TXNRD1: variants seen among roughly 807,000 people sequenced by gnomAD.
TXNRD1 encodes the protein thioredoxin reductase 1, also known as thioredoxin reductase 1, cytoplasmic.
Under a neutral mutation model 80.3 loss-of-function variants are expected in TXNRD1, and 57 were observed. The observed-to-expected ratio is 0.71, with a 90% confidence interval of 0.57 to 0.89. The LOEUF (loss-of-function observed/expected upper bound fraction) is 0.89, where lower values mean the gene tolerates loss of function less well. TXNRD1 is among the 40% of genes least tolerant of loss of function. The pLI, the probability that TXNRD1 is intolerant of heterozygous loss-of-function variation, is 0.00. For missense variants in TXNRD1, 730 were observed against 803.0 expected (o/e 0.91, Z 1.10); for synonymous variants, 291 against 285.2 (o/e 1.02, Z -0.20).
At chr12:104,315,730 A>C (rs530950713) in intron 6 of TXNRD1, 47 bp from the exon 7 acceptor site, 11 of 1,574,098 alleles carry the variant, frequency 7.0e-6, no homozygotes, top group Middle Eastern at 1.7e-4. Flanking sequence ...GAATGTTTGT[A>C]AGGCTTGGAA....
intron 3 of TXNRD1, among the ~76,000 whole-genome samples, chr12:104,260,949 A>T (rs1326160424): frequency 6.6e-6 from 1 of 152,158 alleles, no homozygotes; most frequent in Non-Finnish European, 1.5e-5. Context: ...ATTTGTAAGG[A>T]TTTACTCTCT....
At chr12:104,309,632 A>G (rs2035054309) in intron 4 of TXNRD1, 2 of 530,938 alleles carry the variant, frequency 3.8e-6, no homozygotes, top group Admixed American at 3.3e-5. Context: ...AACTGGATTT[A>G]TTAGTTAACT....
At chr12:104,340,453 T>G (rs1226721964) in intron 16 of TXNRD1, among the ~76,000 whole-genome samples, 1 of 152,150 alleles carries the variant, frequency 6.6e-6, no homozygotes, top group African/African-American at 2.4e-5. Context: ...AGATATTTCC[T>G]CCCTCTCAGT....
At chr12:104,303,651 G>C (rs2034737467) in intron 4 of TXNRD1, 2 of 420,388 alleles carry the variant, frequency 4.8e-6, no homozygotes, top group Non-Finnish European at 8.3e-6. Context: ...CGAGCGCCTC[G>C]GCTTGTGGCT....
chr12:104,267,685 C>CTT (rs1387021213), intron 3 of TXNRD1, among the ~76,000 whole-genome samples: 2 of 39,068 alleles, frequency 5.1e-5, no homozygotes, highest in Admixed American at 2.9e-4. Flanking sequence ...TTCTTTCTTT[C>CTT]TTTCTTTCTT....
intron 3 of TXNRD1, among the ~76,000 whole-genome samples, chr12:104,263,697 A>T (rs976402434): frequency 1.3e-5 from 2 of 152,186 alleles, no homozygotes; most frequent in African/African-American, 2.4e-5. Flanking sequence ...CAGACATAAG[A>T]TTTCAGGAGT....
intron 3 of TXNRD1, among the ~76,000 whole-genome samples, chr12:104,273,030 C>T (rs929523216): frequency 6.6e-6 from 1 of 151,916 alleles, no homozygotes; most frequent in African/African-American, 2.4e-5. Flanking sequence ...AATTTTCAGT[C>T]TCCGGCTGCG....
chr12:104,224,737 G>C (rs2032435490), intron 1 of TXNRD1: 1 of 434,066 alleles, frequency 2.3e-6, no homozygotes, highest in Non-Finnish European at 4.6e-6. Flanking sequence ...GCACATAGTA[G>C]ATGCTCGGTA....
intron 1 of TXNRD1, among the ~76,000 whole-genome samples, chr12:104,237,296 G>A (rs185480472): frequency 5.8e-4 from 88 of 152,218 alleles, no homozygotes; most frequent in Non-Finnish European, 1.1e-3. Flanking sequence ...CATGCTCTGC[G>A]CCATCTGAAA....
intron 4 of TXNRD1, among the ~76,000 whole-genome samples, chr12:104,310,742 G>A (rs190606531): frequency 2.1e-4 from 32 of 152,288 alleles, no homozygotes; most frequent in African/African-American, 4.6e-4. Context: ...TTAAAGGAAT[G>A]AGCTTTGCAG....
At chr12:104,306,795 A>G (rs1412214742) in intron 4 of TXNRD1, among the ~76,000 whole-genome samples, 1 of 152,218 alleles carries the variant, frequency 6.6e-6, no homozygotes, top group Non-Finnish European at 1.5e-5. Context: ...GATCTCACTC[A>G]TCCTCATTTC....
At chr12:104,329,697 TG>T (rs1464418960) in intron 13 of TXNRD1, among the ~76,000 whole-genome samples, 2 of 152,170 alleles carry the variant, frequency 1.3e-5, no homozygotes, top group Admixed American at 1.3e-4. Flanking sequence ...TTTTTGTTTC[TG>T]TTGGACATAC....
chr12:104,224,763 TTG>T, intron 1 of TXNRD1: 1 of 451,076 alleles, frequency 2.2e-6, no homozygotes, highest in Non-Finnish European at 4.5e-6. Flanking sequence ...TCAAATATAG[TTG>T]TGTCAAGTTA....
rs181563220 is a variant in TXNRD1 at position 104,287,172 on chromosome 12, G to A, written c.305-1759G>A. On this transcript the variant is annotated intron_variant, in intron 3 of 16. Coordinates refer to ENST00000525566, the MANE Select transcript of TXNRD1 (RefSeq NM_001093771.3). The stretch of plus-strand genomic sequence containing the variant: ...AGCCCAGGGATGGGAGCACGCGGGG[G>A]ACGGCCTGCCGGCGGGGACGACAGC... 1.2e-3 allele frequency: 1,850 copies of A among 1,572,928 alleles called. 21 individuals carry two copies. The African/African-American group carries it at 0.022, about 18-fold the overall frequency.
At chr12:104,346,055 C>T (rs2036480043) in intron 16 of TXNRD1, 1 of 1,202,868 alleles carries the variant, frequency 8.3e-7, no homozygotes, top group South Asian at 1.3e-5. Flanking sequence ...TCCTGTCACC[C>T]AGGCTGGAGT....
At chr12:104,247,906 T>C (rs897258497) in intron 1 of TXNRD1, among the ~76,000 whole-genome samples, 2 of 152,212 alleles carry the variant, frequency 1.3e-5, no homozygotes, top group Non-Finnish European at 2.9e-5. Context: ...CTGACGCTGA[T>C]ACCAATTAAT....
chr12:104,302,486 C>CTTTTTTTTTTTTTTTTT lies in TXNRD1; in HGVS notation c.415-8799_415-8783dup, dbSNP rs772202256. ...TTTAAAAACCAGATGTATTCATTCC[C>CTTTTTTTTTTTTTTTTT]TTTTTTTTTTTTTTTTTTTTTGAGA... On this transcript the variant is annotated intron_variant, in intron 4 of 16. Coordinates refer to ENST00000525566, the MANE Select transcript of TXNRD1 (RefSeq NM_001093771.3). 1.3e-3 allele frequency among the ~76,000 whole-genome samples: 99 copies of CTTTTTTTTTTTTTTTTT among 76,230 alleles called. 12 individuals are homozygous for CTTTTTTTTTTTTTTTTT. The highest frequency in any genetic ancestry group is 1.5e-3 in the Non-Finnish European group (67 of 44,150). 50.0% of individuals were successfully genotyped at this position (76,230 alleles called of 152,430 possible).
chr12:104,290,770 CCTGT>C (rs2034174221), intron 4 of TXNRD1, among the ~76,000 whole-genome samples: 1 of 56,394 alleles, frequency 1.8e-5, no homozygotes, highest in South Asian at 5.7e-4. Flanking sequence ...TATATTTCTT[CCTGT>C]CTGATTATTC....
At chr12:104,324,625 C>CAA (rs1316794671) in intron 10 of TXNRD1, among the ~76,000 whole-genome samples, 3 of 150,662 alleles carry the variant, frequency 2.0e-5, no homozygotes, top group African/African-American at 4.9e-5. Context: ...GCTGGGATTA[C>CAA]AGGCGTGAGC....
Sources: allele counts gnomAD v4.1 joint callset (sites outside exome capture counted in the v4.1 genomes callset), GRCh38; gene constraint gnomAD v4.1.1; transcripts MANE v1.5; gene names NCBI Gene and HGNC (gene_info 2026-07-23, HGNC 2026-07-21).